Variants in NEDD4 observed in about 807,000 individuals in gnomAD.
The protein encoded by NEDD4 is NEDD4 E3 ubiquitin protein ligase.
Under a neutral mutation model 144.9 loss-of-function variants are expected in NEDD4, and 99 were observed. That is an observed-to-expected ratio of 0.68 (90% CI 0.58 to 0.81). The LOEUF (loss-of-function observed/expected upper bound fraction) is 0.81, where lower values mean the gene tolerates loss of function less well. NEDD4 is among the 30% of genes least tolerant of loss of function. NEDD4 has a pLI of 0.00. For synonymous variants in NEDD4, 318 were observed against 350.6 expected (o/e 0.91, Z 1.04); for missense variants, 985 against 1,065.9 (o/e 0.92, Z 1.06).
intron 5 of NEDD4, 117 bp downstream of exon 5, chr15:55,924,529 T>A: frequency 1.3e-6 from 1 of 796,890 alleles, no homozygotes; most frequent in Non-Finnish European, 2.1e-6. Flanking sequence ...TTGCCCAGAG[T>A]CTCCATAACC....
At position 55,902,727 on chromosome 15, in the gene NEDD4, A is replaced by G. The variant is rs563635356; in HGVS notation, c.291+21919T>C. On this transcript the variant is annotated intron_variant, in intron 5 of 28. Coordinates refer to ENST00000435532, the MANE Select transcript of NEDD4 (RefSeq NM_006154.4). ...TAAATAAAAAGAACTTAAGGATGAAATTCATAAACAATGTTATAGGAGGCA... is the reference window on the plus strand; with the variant it reads ...TAAATAAAAAGAACTTAAGGATGAAGTTCATAAACAATGTTATAGGAGGCA... Among the ~76,000 whole-genome samples the G allele has an allele frequency of 2.0e-5, 3 of 152,344 alleles. No individual in the cohort carries two copies. The South Asian group carries it at 6.2e-4, about 32-fold the overall frequency.
chr15:55,838,440 G>T, intron 22 of NEDD4, 69 bp downstream of exon 22: 1 of 1,046,548 alleles, frequency 9.6e-7, no homozygotes, highest in Non-Finnish European at 1.5e-6. Context: ...TGTATTAAGT[G>T]TACGTATTAA....
chr15:55,891,770 G>C lies in NEDD4; in HGVS notation c.292-17762C>G, dbSNP rs111230340. ...ACATAAAAAGAAAATCCAAATTGCT[G>C]TTTTTGTAAAAACTTTAATTAGAAC... On this transcript the variant is annotated intron_variant, in intron 5 of 28. Transcript: ENST00000435532. Among the ~76,000 whole-genome samples the C allele has an allele frequency of 5.3e-3, 804 of 152,170 alleles. 7 individuals are homozygous for C. Among genetic ancestry groups the C allele is most frequent in the Non-Finnish European group, 7.4e-3 (506 of 67,990 alleles).
chr15:55,934,905 A>T (rs757509770), intron 4 of NEDD4, among the ~76,000 whole-genome samples: 6 of 105,250 alleles, frequency 5.7e-5, no homozygotes, highest in Non-Finnish European at 8.6e-5. Context: ...GTCTCACTCT[A>T]TTGCCCAGGC....
At chr15:55,983,417 C>G (rs966071026) in intron 1 of NEDD4, among the ~76,000 whole-genome samples, 1 of 152,134 alleles carries the variant, frequency 6.6e-6, no homozygotes, top group Non-Finnish European at 1.5e-5. Flanking sequence ...CATCTGCTGA[C>G]GTTGTGCCTC....
In NEDD4 at chr15:55,828,862, A is replaced by C. The variant is rs9920007; in HGVS notation, c.*1035T>G. ...ACAACTCTTTGGTTATTTTAAACAA[A>C]TTATTTGGTTTTTTTACTAGAGTGA... is the stretch of plus-strand genomic sequence containing the variant. On this transcript the variant is annotated 3_prime_UTR_variant, in exon 29 of 29. Coordinates refer to ENST00000435532, the MANE Select transcript of NEDD4 (RefSeq NM_006154.4). 32,026 of 152,590 alleles carry C rather than the reference A, an allele frequency of 0.21. 3,550 individuals carry two copies. The highest frequency in any genetic ancestry group is 0.25 in the Non-Finnish European group (16,926 of 67,994). The allele number at this position is 152,590 out of a possible 1,614,324, so 9.5% of individuals were successfully genotyped here.
chr15:55,978,244 C>T (rs1378111416), intron 1 of NEDD4, among the ~76,000 whole-genome samples: 1 of 152,188 alleles, frequency 6.6e-6, no homozygotes, highest in Non-Finnish European at 1.5e-5. Context: ...ATACATTTAA[C>T]TTTTAACCTT....
intron 5 of NEDD4, among the ~76,000 whole-genome samples, chr15:55,913,822 C>T (rs1405729831): frequency 6.6e-6 from 1 of 151,956 alleles, no homozygotes; most frequent in Non-Finnish European, 1.5e-5. Flanking sequence ...TAAGGTATTT[C>T]TACAAATATT....
Position 55,920,136 on chromosome 15 carries a change from C to G in NEDD4, c.291+4510G>C, listed in dbSNP as rs767824444. ...CCTGCCTAAGTTCTCAGCTTCCTGG[C>G]CTGCCCTGCAGATTTCAGATTGAAG... On this transcript the variant is annotated intron_variant, in intron 5 of 28. Transcript: ENST00000435532. 1.6e-4 allele frequency among the ~76,000 whole-genome samples: 24 copies of G among 152,030 alleles called. 1 individual carries two copies. Among genetic ancestry groups the G allele is most frequent in the Non-Finnish European group, 3.4e-4 (23 of 68,000 alleles).
At chr15:55,983,762 T>C (rs2037845429) in intron 1 of NEDD4, among the ~76,000 whole-genome samples, 1 of 151,916 alleles carries the variant, frequency 6.6e-6, no homozygotes, top group African/African-American at 2.4e-5. Flanking sequence ...AGGTATATGC[T>C]ACCATGCCTG....
intron 9 of NEDD4, among the ~76,000 whole-genome samples, chr15:55,861,263 T>G (rs544048241): frequency 2.0e-5 from 3 of 152,258 alleles, no homozygotes; most frequent in Admixed American, 1.3e-4. Context: ...TGAAAGATGG[T>G]GTAAGAACTT....
Position 55,949,915 on chromosome 15 carries a change from C to T in NEDD4, c.237+1461G>A, listed in dbSNP as rs561251702. 4.7e-5 allele frequency among the ~76,000 whole-genome samples: 7 copies of T among 149,904 alleles called. No homozygotes were observed. In the South Asian group the frequency reaches 8.5e-4, roughly 18 times the overall value. On this transcript the variant is annotated intron_variant, in intron 4 of 28. Coordinates refer to ENST00000435532, the MANE Select transcript of NEDD4 (RefSeq NM_006154.4). Reference sequence around the variant, plus strand: ...TGTATACATATGTAACAAACCTGCACGTTGTGCACAGGTACCCTAGAACTT... The same window carrying T: ...TGTATACATATGTAACAAACCTGCATGTTGTGCACAGGTACCCTAGAACTT...
intron 8 of NEDD4, among the ~76,000 whole-genome samples, chr15:55,863,756 G>A (rs191227332): frequency 3.4e-4 from 52 of 152,276 alleles, no homozygotes; most frequent in Admixed American, 3.4e-3. Flanking sequence ...ATTGGTCATT[G>A]TCTTTCCTAC....
At chr15:55,861,657 CAT>C (rs1338065011) in intron 9 of NEDD4, among the ~76,000 whole-genome samples, 1 of 152,014 alleles carries the variant, frequency 6.6e-6, no homozygotes, top group East Asian at 1.9e-4. Flanking sequence ...ACCCCACAAA[CAT>C]ATATACCTAC....
chr15:55,956,423 G>T (rs768920282), intron 2 of NEDD4, among the ~76,000 whole-genome samples: 1 of 151,956 alleles, frequency 6.6e-6, no homozygotes, highest in Non-Finnish European at 1.5e-5. Flanking sequence ...TGTTCCTATA[G>T]AAGTTTTATC....
intron 21 of NEDD4, among the ~76,000 whole-genome samples, chr15:55,840,015 T>TTC: frequency 3.6e-5 from 1 of 28,134 alleles, no homozygotes; most frequent in Non-Finnish European, 7.3e-5. Context: ...TATATATATA[T>TTC]ATATATATAT....
chr15:55,873,188 G>T lies in NEDD4; in HGVS notation c.343-712C>A, dbSNP rs546164879. ...TTTCTGATCCACTCACGTTGACTGA[G>T]GGTCAATGGCTGGCCCTCCGTTCTT... On this transcript the variant is annotated intron_variant, in intron 6 of 28. Coordinates refer to ENST00000435532, the MANE Select transcript of NEDD4 (RefSeq NM_006154.4). 7.1e-4 allele frequency among the ~76,000 whole-genome samples: 108 copies of T among 152,158 alleles called. 2 individuals carry two copies. In the South Asian group the frequency reaches 0.011, roughly 16 times the overall value.
chr15:55,983,146 T>C (rs940260871), intron 1 of NEDD4, among the ~76,000 whole-genome samples: 1 of 151,674 alleles, frequency 6.6e-6, no homozygotes. Context: ...TTCTAGGTGA[T>C]ATATTTTAGG....
In NEDD4 at chr15:55,909,430, T is replaced by C. The variant is rs1208651059; in HGVS notation, c.291+15216A>G. 4.6e-5 allele frequency among the ~76,000 whole-genome samples: 7 copies of C among 152,242 alleles called. No individual in the cohort carries two copies. In the East Asian group the frequency reaches 9.6e-4, roughly 21 times the overall value. On this transcript the variant is annotated intron_variant, in intron 5 of 28. Coordinates refer to ENST00000435532, the MANE Select transcript of NEDD4 (RefSeq NM_006154.4). ...TGAAATTACTGTATCTCTAAGTATC[T>C]GTCTTCATCTGACCATGGTCTCCCA... is the stretch of plus-strand genomic sequence containing the variant.
Sources: gnomAD v4.1 joint callset for allele counts (sites outside exome capture counted in the v4.1 genomes callset) on GRCh38, gnomAD v4.1.1 for gene constraint, MANE v1.5 for transcripts, NCBI Gene and HGNC (gene_info 2026-07-23, HGNC 2026-07-21) for gene names.